The following C21orf91 variants were observed in gnomAD, a reference collection of about 807,000 sequenced individuals.
C21orf91 encodes chromosome 21 open reading frame 91, also known as protein EURL homolog.
In C21orf91, 26 loss-of-function variants were observed where a neutral mutation model predicts 32.9. The observed-to-expected ratio is 0.79, with a 90% confidence interval of 0.58 to 1.10. The LOEUF is 1.10. Ranked by LOEUF, C21orf91 falls within the 50% of genes least tolerant of loss-of-function variation. The pLI, the probability that C21orf91 is intolerant of heterozygous loss-of-function variation, is 0.00. For synonymous variants in C21orf91, 126 were observed against 120.4 expected (o/e 1.05, Z -0.31); for missense variants, 310 against 341.3 (o/e 0.91, Z 0.72).
At position 17,818,175 on chromosome 21, in the gene C21orf91, C is replaced by T; in HGVS notation, c.127+17G>A. Reference sequence around the variant, plus strand: ...TTAAATTCATTCCATAAGATCAAAACTATACTGTGTCCTTACCCTCAATAT... The same window carrying T: ...TTAAATTCATTCCATAAGATCAAAATTATACTGTGTCCTTACCCTCAATAT... On this transcript the variant is annotated intron_variant, in intron 2 of 4. Coordinates refer to ENST00000284881, the MANE Select transcript of C21orf91 (RefSeq NM_001100420.2). The T allele has an allele frequency of 6.3e-7, 1 of 1,597,306 alleles. No homozygotes were observed. The highest frequency in any genetic ancestry group is 8.6e-7 in the Non-Finnish European group (1 of 1,166,350).
chr21:17,808,410 A>G (rs2062612060), intron 2 of C21orf91, among the ~76,000 whole-genome samples: 1 of 152,230 alleles, frequency 6.6e-6, no homozygotes, highest in African/African-American at 2.4e-5. Flanking sequence ...TGGAGCCCTC[A>G]TGGAGACCAT....
intron 2 of C21orf91, among the ~76,000 whole-genome samples, chr21:17,808,710 T>C (rs1183931908): frequency 6.6e-6 from 1 of 152,220 alleles, no homozygotes; most frequent in Non-Finnish European, 1.5e-5. Context: ...CTGTGGACTT[T>C]TGAGTTAATG....
At chr21:17,793,623 G>A in intron 4 of C21orf91, 42 bp from the exon 5 acceptor site, 1 of 1,367,314 alleles carries the variant, frequency 7.3e-7, no homozygotes, top group East Asian at 2.3e-5. Flanking sequence ...TATGCAGAAA[G>A]CCGGTGCTAT....
chr21:17,792,782 T>A lies in C21orf91; in HGVS notation c.*633A>T, dbSNP rs895176995. On this transcript the variant is annotated 3_prime_UTR_variant, in exon 5 of 5. Coordinates refer to ENST00000284881, the MANE Select transcript of C21orf91 (RefSeq NM_001100420.2). ...ATTAATTCTTCTTTTACAAGAGGTATTAGAAATTAAAACAACTCAGATTTC... is the reference window on the plus strand; with the variant it reads ...ATTAATTCTTCTTTTACAAGAGGTAATAGAAATTAAAACAACTCAGATTTC... The A allele has an allele frequency of 1.7e-4, 26 of 152,614 alleles. No individual in the cohort carries two copies. Among genetic ancestry groups the A allele is most frequent in the African/African-American group, 6.3e-4 (26 of 41,450 alleles). 9.5% of individuals were successfully genotyped at this position (152,614 alleles called of 1,614,324 possible).
At chr21:17,806,534 A>G (rs756876213) in intron 2 of C21orf91, among the ~76,000 whole-genome samples, 3 of 152,090 alleles carry the variant, frequency 2.0e-5, no homozygotes, top group Non-Finnish European at 2.9e-5. Context: ...AGGAGAGGGT[A>G]AATAGATGAA....
intron 2 of C21orf91, 35 bp from the exon 3 acceptor site, chr21:17,797,153 A>C: frequency 7.0e-7 from 1 of 1,437,422 alleles, no homozygotes; most frequent in Non-Finnish European, 9.4e-7. Context: ...AGACTTGAGA[A>C]ATTTTGTTTT....
rs1203570051 is a variant in C21orf91 at position 17,818,302 on chromosome 21, T to C, written c.17A>G (p.Gln6Arg). 6.2e-7 allele frequency: 1 copy of C among 1,611,670 alleles called. No individual in the cohort carries two copies. The highest frequency in any genetic ancestry group is 1.1e-5 in the South Asian group (1 of 90,662). Residue 6 changes from glutamine to arginine, a missense_variant, in exon 2 of 5, where the codon CAG becomes CGG. By Grantham distance (43) the Gln-to-Arg change is conservative. Transcript: ENST00000284881. MNEEE[Q>R]FVNIDLNDDN... ...ATCATTCAAATCAATGTTTACAAAC[T>C]GCTCCTCTTCGTTCATAGTGCCCCT...
intron 2 of C21orf91, among the ~76,000 whole-genome samples, chr21:17,804,058 C>A (rs1445264868): frequency 6.6e-6 from 1 of 152,156 alleles, no homozygotes; most frequent in Admixed American, 6.5e-5. Context: ...TGTCCGGTCA[C>A]CTGTACTGTA....
chr21:17,795,358 A>C, intron 3 of C21orf91, 88 bp from the exon 4 acceptor site: 1 of 880,930 alleles, frequency 1.1e-6, no homozygotes, highest in Non-Finnish European at 1.9e-6. Flanking sequence ...TATTTTTAAA[A>C]ATCAGCACTT....
intron 2 of C21orf91, among the ~76,000 whole-genome samples, chr21:17,806,593 C>G (rs555606537): frequency 6.6e-6 from 1 of 152,270 alleles, no homozygotes; most frequent in East Asian, 1.9e-4. Context: ...AATCCCAACA[C>G]TTTGGGAGGC....
chr21:17,812,587 A>T (rs1382786544), intron 2 of C21orf91, among the ~76,000 whole-genome samples: 4 of 152,202 alleles, frequency 2.6e-5, no homozygotes, highest in Non-Finnish European at 5.9e-5. Context: ...AGGTGGGTGC[A>T]TCACGAGCTC....
chr21:17,803,570 T>C (rs2062576481), intron 2 of C21orf91, among the ~76,000 whole-genome samples: 1 of 152,184 alleles, frequency 6.6e-6, no homozygotes, highest in Non-Finnish European at 1.5e-5. Flanking sequence ...ACAGCCTAAG[T>C]AATTTTCCAA....
chr21:17,803,643 T>TA (rs1054350822), intron 2 of C21orf91, among the ~76,000 whole-genome samples: 131 of 152,336 alleles, frequency 8.6e-4, no homozygotes, highest in African/African-American at 2.9e-3. Flanking sequence ...GGGGTACAGG[T>TA]ACTTGAATAT....
At chr21:17,808,774 A>G (rs1479036887) in intron 2 of C21orf91, among the ~76,000 whole-genome samples, 1 of 152,156 alleles carries the variant, frequency 6.6e-6, no homozygotes, top group East Asian at 1.9e-4. Context: ...TGTATTTTGC[A>G]ATGTGAGGAG....
chr21:17,792,549 G>C lies in C21orf91; in HGVS notation c.*866C>G, dbSNP rs980530602. The C allele has an allele frequency of 5.3e-5, 8 of 151,994 alleles. No individual in the cohort carries two copies. The highest frequency in any genetic ancestry group is 1.9e-4 in the African/African-American group (8 of 41,372). 9.4% of individuals were successfully genotyped at this position (151,994 alleles called of 1,614,324 possible). On this transcript the variant is annotated 3_prime_UTR_variant, in exon 5 of 5. Transcript: ENST00000284881. The stretch of plus-strand genomic sequence containing the variant: ...GATAGACATTATATTTGAATTGGAA[G>C]TGAGGCTTGACTTACTCTGTCCAAA...
intron 2 of C21orf91, chr21:17,813,957 TA>T (rs2062649280): frequency 6.6e-6 from 1 of 151,896 alleles, no homozygotes; most frequent in African/African-American, 2.4e-5. Context: ...ACCCTTATTT[TA>T]ATAAAATGAA....
Position 17,796,858 on chromosome 21 carries a change from T to A in C21orf91, c.388A>T (p.Lys130Ter), listed in dbSNP as rs2062522871. 2 of 1,614,046 alleles carry A rather than the reference T, an allele frequency of 1.2e-6. No individual in the cohort carries two copies. The highest frequency in any genetic ancestry group is 4.5e-5 in the East Asian group (2 of 44,868). ...TGGGAGTCAAACTGTGGGAGTAATT[T>A]TTCTTCTGGCTTATGCCTGAAATTA... ...LFNFRHKPEE[K>*]LLPQFDSQVP... The change falls in exon 3 of 5, where the codon AAA becomes TAA. Residue 130 changes from lysine to a stop codon, truncating the protein, a stop_gained. Transcript: ENST00000284881. LOFTEE classifies it high-confidence loss of function.
chr21:17,801,549 C>T (rs2062561327), intron 2 of C21orf91, among the ~76,000 whole-genome samples: 1 of 152,098 alleles, frequency 6.6e-6, no homozygotes, highest in Non-Finnish European at 1.5e-5. Flanking sequence ...GGATTACAGG[C>T]TTGAGCCACC....
At chr21:17,797,635 A>C (rs1274593463) in intron 2 of C21orf91, among the ~76,000 whole-genome samples, 2 of 151,536 alleles carry the variant, frequency 1.3e-5, no homozygotes, top group Admixed American at 1.3e-4. Flanking sequence ...AAAATTCAAT[A>C]AACTATTTAG....
Sources: allele counts gnomAD v4.1 joint callset (sites outside exome capture counted in the v4.1 genomes callset), GRCh38; gene constraint gnomAD v4.1.1; transcripts MANE v1.5; gene names NCBI Gene and HGNC (gene_info 2026-07-23, HGNC 2026-07-21).